CCDC171: variants seen among roughly 807,000 people sequenced by gnomAD.
CCDC171 encodes the protein coiled-coil domain containing 171, also known as coiled-coil domain-containing protein 171.
In CCDC171, 177 loss-of-function variants were observed where a neutral mutation model predicts 168.2. That is an observed-to-expected ratio of 1.05 (90% CI 0.93 to 1.19). The LOEUF is 1.19. CCDC171 is among the 50% of genes most tolerant of loss of function. CCDC171 has a pLI of 0.00. For missense variants in CCDC171, 1,991 were observed against 1,539.0 expected, an observed-to-expected ratio of 1.29 and a Z score of -4.91; for synonymous variants, 687 against 540.8, an observed-to-expected ratio of 1.27 and a Z score of -3.75.
intron 9 of CCDC171, among the ~76,000 whole-genome samples, chr9:15,677,827 A>C (rs2049704913): frequency 7.4e-6 from 1 of 135,124 alleles, no homozygotes; most frequent in Non-Finnish European, 1.6e-5. Context: ...ACGCGCACAC[A>C]CACAAATGGC....
At chr9:15,618,474 C>G (rs1466768819) in intron 6 of CCDC171, among the ~76,000 whole-genome samples, 1 of 152,166 alleles carries the variant, frequency 6.6e-6, no homozygotes, top group Non-Finnish European at 1.5e-5. Context: ...GTGGGACCTG[C>G]TGAGCTAGAC....
At chr9:15,574,979 G>C (rs1164068748) in intron 3 of CCDC171, among the ~76,000 whole-genome samples, 1 of 151,994 alleles carries the variant, frequency 6.6e-6, no homozygotes, top group African/African-American at 2.4e-5. Flanking sequence ...TAGGTGATTG[G>C]GATGGGAAAA....
intron 3 of CCDC171, among the ~76,000 whole-genome samples, chr9:15,574,052 A>G (rs568254321): frequency 1.3e-5 from 2 of 152,326 alleles, no homozygotes; most frequent in African/African-American, 2.4e-5. Flanking sequence ...GGGAAGGAAT[A>G]CAGTTTTCTT....
chr9:15,804,909 T>A (rs750619075), intron 21 of CCDC171, among the ~76,000 whole-genome samples: 1 of 152,170 alleles, frequency 6.6e-6, no homozygotes, highest in Admixed American at 6.5e-5. Flanking sequence ...TGGTAGGCTA[T>A]TTATTACTGC....
At position 15,568,117 on chromosome 9, in the gene CCDC171, CTA is replaced by C. The variant is rs532652835; in HGVS notation, c.42-3506_42-3505del. On this transcript the variant is annotated intron_variant, in intron 2 of 25. Coordinates refer to ENST00000380701, the MANE Select transcript of CCDC171 (RefSeq NM_173550.4). ...GACCTTGCTGAAATTGATTTTAGTTCTAGTCTGTTTTTTCTTAGTGGATTTCT... is the reference window on the plus strand; with the variant it reads ...GACCTTGCTGAAATTGATTTTAGTTCGTCTGTTTTTTCTTAGTGGATTTCT... Among the ~76,000 whole-genome samples, 606 of 151,876 alleles carry C rather than the reference CTA, an allele frequency of 4.0e-3. 1 individual carries two copies. Among genetic ancestry groups the C allele is most frequent in the Non-Finnish European group, 6.6e-3 (449 of 67,956 alleles).
At chr9:15,563,773 T>C (rs895406054) in intron 1 of CCDC171, among the ~76,000 whole-genome samples, 1 of 152,228 alleles carries the variant, frequency 6.6e-6, no homozygotes, top group Non-Finnish European at 1.5e-5. Flanking sequence ...GTTAGTCATT[T>C]CTCAGCACTG....
intron 23 of CCDC171, among the ~76,000 whole-genome samples, chr9:15,855,074 T>A (rs528338830): frequency 5.9e-5 from 9 of 151,688 alleles, no homozygotes; most frequent in Non-Finnish European, 1.3e-4. Context: ...GACTGTTCTA[T>A]GTATGTCTGT....
chr9:15,719,807 G>A (rs1424242989), intron 11 of CCDC171, among the ~76,000 whole-genome samples: 3 of 152,086 alleles, frequency 2.0e-5, no homozygotes, highest in Non-Finnish European at 2.9e-5. Context: ...CAGATTTCCC[G>A]AGTGTCCTTG....
chr9:15,862,442 C>T lies in CCDC171; in HGVS notation c.3469-12090C>T, dbSNP rs75049321. 2.0e-5 allele frequency among the ~76,000 whole-genome samples: 3 copies of T among 151,718 alleles called. No homozygotes were observed. The East Asian group carries it at 5.8e-4, about 29-fold the overall frequency. On this transcript the variant is annotated intron_variant, in intron 23 of 25. Transcript: ENST00000380701. ...TTATTACTGAAATTCTCACTTTGTTCATGTATTATTTTTCTGAGCTTATCG... is the reference window on the plus strand; with the variant it reads ...TTATTACTGAAATTCTCACTTTGTTTATGTATTATTTTTCTGAGCTTATCG...
At chr9:15,765,284 G>C (rs2056660745) in intron 18 of CCDC171, among the ~76,000 whole-genome samples, 1 of 152,124 alleles carries the variant, frequency 6.6e-6, no homozygotes, top group South Asian at 2.1e-4. Flanking sequence ...CAATATTTAG[G>C]GGTCAAGGGA....
chr9:15,854,676 A>G (rs1167317529), intron 23 of CCDC171, among the ~76,000 whole-genome samples: 1 of 151,638 alleles, frequency 6.6e-6, no homozygotes, highest in East Asian at 1.9e-4. Context: ...CCAAGCTGGA[A>G]GGTTAGGTTA....
At chr9:16,083,523 C>T in the CCDC171 span, among the ~76,000 whole-genome samples, 2 of 152,168 alleles carry the variant, frequency 1.3e-5, no homozygotes, top group African/African-American at 4.8e-5. Flanking sequence ...TTTTCAATAA[C>T]TACCATTGTT....
chr9:15,611,555 G>A (rs976183366), intron 6 of CCDC171, among the ~76,000 whole-genome samples: 6 of 152,086 alleles, frequency 3.9e-5, no homozygotes, highest in Non-Finnish European at 8.8e-5. Flanking sequence ...TGCTCAGGGC[G>A]CTGTGAGGTC....
chr9:15,963,312 C>A (rs919347159), intron 25 of CCDC171, among the ~76,000 whole-genome samples: 2 of 151,822 alleles, frequency 1.3e-5, no homozygotes, highest in Non-Finnish European at 2.9e-5. Context: ...GCATGTGTAC[C>A]CTAAAACTTA....
At chr9:16,080,842 C>T in the CCDC171 span, among the ~76,000 whole-genome samples, 1 of 152,162 alleles carries the variant, frequency 6.6e-6, no homozygotes, top group Non-Finnish European at 1.5e-5. Context: ...GGCTTTTCTG[C>T]TGCCCCCAGG....
At chr9:15,681,871 G>A (rs1022691847) in intron 10 of CCDC171, among the ~76,000 whole-genome samples, 2 of 152,014 alleles carry the variant, frequency 1.3e-5, no homozygotes, top group East Asian at 1.9e-4. Context: ...TTTTGGAAAC[G>A]AAATTGTTTT....
chr9:15,971,890 T>C lies in CCDC171; in HGVS notation c.*54T>C, dbSNP rs1180275301. The C allele has an allele frequency of 6.9e-7, 1 of 1,450,100 alleles. No homozygotes were observed. The highest frequency in any genetic ancestry group is 1.4e-5 in the African/African-American group (1 of 70,948). 89.8% of individuals were successfully genotyped at this position (1,450,100 alleles called of 1,614,324 possible). ...GTTAACAGTACAATTAAAATTGTTT[T>C]GAATGGGAATTTTCTTATCAGTTGA... On this transcript the variant is annotated 3_prime_UTR_variant, in exon 26 of 26. Coordinates refer to ENST00000380701, the MANE Select transcript of CCDC171 (RefSeq NM_173550.4).
intron 3 of CCDC171, among the ~76,000 whole-genome samples, chr9:16,011,321 A>T (rs1222546271): frequency 6.6e-6 from 1 of 152,172 alleles, no homozygotes. Context: ...TGCTGCCATC[A>T]TTTAGGAACA....
At chr9:15,895,005 GC>G (rs1436795533) in intron 24 of CCDC171, among the ~76,000 whole-genome samples, 1 of 152,046 alleles carries the variant, frequency 6.6e-6, no homozygotes, top group Non-Finnish European at 1.5e-5. Flanking sequence ...CTCCCTTGTG[GC>G]CTTTTTGAGA....
Sources: allele counts gnomAD v4.1 joint callset (sites outside exome capture counted in the v4.1 genomes callset), GRCh38; gene constraint gnomAD v4.1.1; transcripts MANE v1.5; gene names NCBI Gene and HGNC (gene_info 2026-07-23, HGNC 2026-07-21).